STAP2: variants seen among roughly 807,000 people sequenced by gnomAD.
STAP2 encodes signal transducing adaptor family member 2, also known as signal-transducing adaptor protein 2.
In STAP2, 58 loss-of-function variants were observed where a neutral mutation model predicts 52.7. The ratio of observed to expected loss-of-function variants is 1.10; its 90% CI spans 0.89 to 1.37. The LOEUF is 1.37. Ranked by LOEUF, STAP2 falls within the 40% of genes most tolerant of loss-of-function variation. The pLI, the probability that STAP2 is intolerant of heterozygous loss-of-function variation, is 0.00. For missense variants in STAP2, 522 were observed against 519.4 expected, an observed-to-expected ratio of 1.00 and a Z score of -0.05; for synonymous variants, 231 against 210.5, an observed-to-expected ratio of 1.10 and a Z score of -0.84.
chr19:4,328,974 C>T (rs1971843961), intron 5 of STAP2, 165 bp from the exon 6 acceptor site: 4 of 924,714 alleles, frequency 4.3e-6, no homozygotes, highest in Non-Finnish European at 6.2e-6. Context: ...CCCAGTCCGG[C>T]CTTCCAGGCT....
In STAP2 at chr19:4,336,314, C is replaced by CTTTTTTTTTT; in HGVS notation, c.103-2280_103-2271dup. Among the ~76,000 whole-genome samples the CTTTTTTTTTT allele has an allele frequency of 2.4e-5, 2 of 83,434 alleles. 1 individual carries two copies. Among genetic ancestry groups the CTTTTTTTTTT allele is most frequent in the Non-Finnish European group, 4.5e-5 (2 of 44,634 alleles). The allele number at this position is 83,434 out of a possible 152,430, so 54.7% of individuals were successfully genotyped here. On this transcript the variant is annotated intron_variant, in intron 1 of 12. Transcript: ENST00000594605. ...ACAGGCGTGAGCCACTGCACACTGC[C>CTTTTTTTTTT]TTTTTTTTTTTTTTTTTTTTTTGAG...
chr19:4,335,742 C>T (rs1184204642), intron 1 of STAP2, among the ~76,000 whole-genome samples: 1 of 152,086 alleles, frequency 6.6e-6, no homozygotes, highest in Non-Finnish European at 1.5e-5. Context: ...TTGTCTGTTT[C>T]CCCAGCTGTA....
chr19:4,327,423 G>A, intron 6 of STAP2, 38 bp from the exon 7 acceptor site: 1 of 1,610,894 alleles, frequency 6.2e-7, no homozygotes, highest in East Asian at 2.2e-5. Context: ...CTCAGCCCAG[G>A]CTCCCACACC....
Position 4,328,695 on chromosome 19 carries a change from G to A in STAP2, c.570C>T (p.Thr190=). ...SGDGADGVSV[T]TRQMHNGTHV... ...CGCACCCGTTGTGCATCTGCCGCGT[G>A]GTGACCGACACGCCGTCGGCGCCGT... Residue 190 remains threonine, a synonymous_variant, in exon 6 of 13, where the codon ACC becomes ACT. Transcript: ENST00000594605. 6.2e-7 allele frequency: 1 copy of A among 1,603,956 alleles called. No homozygotes were observed.
At chr19:4,324,978 C>CAA (rs879722750) in intron 11 of STAP2, 37 of 411,420 alleles carry the variant, frequency 9.0e-5, no homozygotes, top group Middle Eastern at 7.2e-4. Context: ...ACTAAAAATA[C>CAA]AAAAAAAAAA....
intron 1 of STAP2, among the ~76,000 whole-genome samples, chr19:4,336,105 C>A (rs1971976518): frequency 6.6e-6 from 1 of 152,006 alleles, no homozygotes; most frequent in South Asian, 2.1e-4. Context: ...CTCCACCTCC[C>A]AGTTCGAGCC....
chr19:4,338,377 A>G lies in STAP2; in HGVS notation c.102+275T>C, dbSNP rs1273430386. 3 of 266,074 alleles carry G rather than the reference A, an allele frequency of 1.1e-5. No individual in the cohort carries two copies. The East Asian group carries it at 2.0e-4, about 18-fold the overall frequency. The allele number at this position is 266,074 out of a possible 1,614,324, so 16.5% of individuals were successfully genotyped here. On this transcript the variant is annotated intron_variant, in intron 1 of 12. Coordinates refer to ENST00000594605, the MANE Select transcript of STAP2 (RefSeq NM_001013841.2). Reference sequence around the variant, plus strand: ...GAGAGACAAAAGCAAAGATTGAGACAAAGAGAGAGGGAGACTGAGACAGAC... The same window carrying G: ...GAGAGACAAAAGCAAAGATTGAGACGAAGAGAGAGGGAGACTGAGACAGAC...
Position 4,324,493 on chromosome 19 carries a change from A to G in STAP2, c.1109T>C (p.Leu370Pro). The change falls in exon 12 of 13, where the codon CTG becomes CCG. Residue 370 changes from leucine to proline, a missense_variant. Physicochemically the swap from Leu to Pro is moderately conservative, Grantham distance 98 (BLOSUM62 -3). Coordinates refer to ENST00000594605, the MANE Select transcript of STAP2 (RefSeq NM_001013841.2). ...KVFNGGLGRK[L>P]PVSSAQPLFP... ...GAGAGGCTGGGCTGAACTGACTGGCAGCTTCCTGCCCAAGCCACCATTAAA... is the reference window on the plus strand; with the variant it reads ...GAGAGGCTGGGCTGAACTGACTGGCGGCTTCCTGCCCAAGCCACCATTAAA... 4.4e-6 allele frequency: 7 copies of G among 1,575,992 alleles called. No individual in the cohort carries two copies. Among genetic ancestry groups the G allele is most frequent in the South Asian group, 1.2e-5 (1 of 86,406 alleles).
At position 4,333,983 on chromosome 19, in the gene STAP2, C is replaced by T. The variant is rs1175274784; in HGVS notation, c.164G>A (p.Arg55Gln). The T allele has an allele frequency of 5.6e-6, 9 of 1,613,346 alleles. No individual in the cohort carries two copies. Among genetic ancestry groups the T allele is most frequent in the Middle Eastern group, 1.7e-4 (1 of 6,058 alleles). ...CATTCCCATCCTTACCTGGAAGTCC[C>T]GATTGCTATTGTAGAAATAAATGGT... ...GLTIYFYNSN[R>Q]DFQHVEKLNL... The change falls in exon 2 of 13, where the codon CGG becomes CAG. Residue 55 changes from arginine (R) to glutamine (Q), a missense_variant. Coordinates refer to ENST00000594605, the MANE Select transcript of STAP2 (RefSeq NM_001013841.2).
intron 4 of STAP2, 147 bp from the exon 5 acceptor site, chr19:4,330,208 C>G (rs1971866896): frequency 1.5e-6 from 1 of 657,206 alleles, no homozygotes; most frequent in African/African-American, 1.8e-5. Flanking sequence ...GAGAGGGTTG[C>G]AGAGGAGTGT....
chr19:4,331,812 A>G lies in STAP2; in HGVS notation c.354+210T>C, dbSNP rs539788748. 8.6e-5 allele frequency among the ~76,000 whole-genome samples: 13 copies of G among 151,960 alleles called. No individual in the cohort carries two copies. The East Asian group carries it at 1.6e-3, about 18-fold the overall frequency. ...CCGGGCGTGGTGGCGGGCTTCTGTAATCCCAGCTACTCCGGAGGCTGAGGC... is the reference window on the plus strand; with the variant it reads ...CCGGGCGTGGTGGCGGGCTTCTGTAGTCCCAGCTACTCCGGAGGCTGAGGC... On this transcript the variant is annotated intron_variant, in intron 4 of 12. Coordinates refer to ENST00000594605, the MANE Select transcript of STAP2 (RefSeq NM_001013841.2).
At chr19:4,326,242 T>G (rs8111858) in intron 9 of STAP2, among the ~76,000 whole-genome samples, 67,136 of 152,118 alleles carry the variant, frequency 0.44, 16,483 homozygotes, top group African/African-American at 0.67. Flanking sequence ...TACATAGCAT[T>G]TGTATGTGAC....
At chr19:4,334,692 T>G (rs1215199990) in intron 1 of STAP2, among the ~76,000 whole-genome samples, 1 of 143,534 alleles carries the variant, frequency 7.0e-6, no homozygotes, top group Non-Finnish European at 1.5e-5. Flanking sequence ...CTATCCATCA[T>G]GGAGCCATTC....
At chr19:4,325,648 CTG>C in intron 9 of STAP2, 103 bp from the exon 10 acceptor site, 1 of 1,310,968 alleles carries the variant, frequency 7.6e-7, no homozygotes, top group South Asian at 1.4e-5. Context: ...GCATGTGTCC[CTG>C]TGTGTCTGTG....
At chr19:4,325,656 CTGTG>C (rs1052190038) in intron 9 of STAP2, 111 bp from the exon 10 acceptor site, 9 of 1,293,664 alleles carry the variant, frequency 7.0e-6, no homozygotes, top group South Asian at 1.4e-5. Context: ...CCCTGTGTGT[CTGTG>C]TGTGTGCCCA....
At chr19:4,336,008 GTTTT>G (rs1479498934) in intron 1 of STAP2, among the ~76,000 whole-genome samples, 1 of 151,958 alleles carries the variant, frequency 6.6e-6, no homozygotes, top group Non-Finnish European at 1.5e-5. Flanking sequence ...GATCTTTTTT[GTTTT>G]GTTTTGTTTT....
At chr19:4,333,614 G>C in intron 3 of STAP2, 80 bp downstream of exon 3, 2 of 1,513,390 alleles carry the variant, frequency 1.3e-6, no homozygotes, top group Non-Finnish European at 1.8e-6. Flanking sequence ...CCCCTTCGTG[G>C]TTGGCACAAT....
At chr19:4,329,939 T>TCGGGACAGG in intron 5 of STAP2, 22 bp downstream of exon 5, 1 of 1,593,788 alleles carries the variant, frequency 6.3e-7, no homozygotes, top group South Asian at 1.1e-5. Context: ...CTGCAGCCCC[T>TCGGGACAGG]CGGGACAGGC....
intron 1 of STAP2, among the ~76,000 whole-genome samples, chr19:4,334,322 A>G (rs539385678): frequency 6.6e-6 from 1 of 152,268 alleles, no homozygotes; most frequent in Admixed American, 6.5e-5. Context: ...CCGCCAATCT[A>G]TAGAGATGGG....
Sources: gnomAD v4.1 joint callset for allele counts (sites outside exome capture counted in the v4.1 genomes callset) on GRCh38, gnomAD v4.1.1 for gene constraint, MANE v1.5 for transcripts, NCBI Gene and HGNC (gene_info 2026-07-23, HGNC 2026-07-21) for gene names.